The following PDE9A variants were observed in gnomAD, a reference collection of about 807,000 sequenced individuals.
PDE9A encodes the protein phosphodiesterase 9A.
A neutral mutation model predicts 87.4 loss-of-function variants in PDE9A; 60 were observed. The ratio of observed to expected loss-of-function variants is 0.69; its 90% CI spans 0.56 to 0.85. The LOEUF (loss-of-function observed/expected upper bound fraction) is 0.85. Among genes scored for constraint, PDE9A ranks in the 40% least tolerant of loss-of-function variants. PDE9A has a pLI of 0.00. For synonymous variants in PDE9A, 272 were observed against 279.4 expected, an observed-to-expected ratio of 0.97 and a Z score of 0.27; for missense variants, 665 against 779.0, an observed-to-expected ratio of 0.85 and a Z score of 1.74.
At chr21:42,753,875 AAAAG>A (rs1184181163) in intron 9 of PDE9A, 111 bp from the exon 10 acceptor site, 270 of 595,100 alleles carry the variant, frequency 4.5e-4, no homozygotes, top group South Asian at 2.6e-3. Context: ...AAAAAAAAAA[AAAAG>A]AAAGAAAGAA....
Position 42,657,026 on chromosome 21 carries a change from A to G in PDE9A, c.69+3143A>G, listed in dbSNP as rs115481299. Among the ~76,000 whole-genome samples, 533 of 152,340 alleles carry G rather than the reference A, an allele frequency of 3.5e-3. 3 individuals carry two copies. Among genetic ancestry groups the G allele is most frequent in the African/African-American group, 0.012 (517 of 41,572 alleles). ...CTGGCGGAATGGGAAGGCAACTACA[A>G]ATGATAAACAGCAGCAGACGTTGCA... On this transcript the variant is annotated intron_variant, in intron 1 of 19. Coordinates refer to ENST00000291539, the MANE Select transcript of PDE9A (RefSeq NM_002606.3).
chr21:42,771,451 T>G (rs2057019960), intron 18 of PDE9A, among the ~76,000 whole-genome samples: 1 of 152,120 alleles, frequency 6.6e-6, no homozygotes, highest in Non-Finnish European at 1.5e-5. Flanking sequence ...GCCTCCTGCC[T>G]CCTCCCTCCA....
intron 8 of PDE9A, 70 bp from the exon 9 acceptor site, chr21:42,751,046 T>A: frequency 9.8e-7 from 1 of 1,017,158 alleles, no homozygotes; most frequent in South Asian, 1.3e-5. Flanking sequence ...GTCGCTTGCT[T>A]TTGCTGTGCT....
intron 4 of PDE9A, among the ~76,000 whole-genome samples, chr21:42,718,298 C>T (rs770846336): frequency 6.6e-6 from 1 of 151,642 alleles, no homozygotes; most frequent in African/African-American, 2.4e-5. Flanking sequence ...CTTATTTATC[C>T]TTCTTCATGT....
intron 3 of PDE9A, among the ~76,000 whole-genome samples, chr21:42,690,287 A>C (rs972519708): frequency 8.2e-5 from 12 of 146,508 alleles, no homozygotes; most frequent in Non-Finnish European, 1.7e-4. Flanking sequence ...GGAGAAGAGG[A>C]AGTTAGACGC....
chr21:42,680,209 C>T (rs976251570), intron 1 of PDE9A, among the ~76,000 whole-genome samples: 5 of 152,250 alleles, frequency 3.3e-5, no homozygotes, highest in East Asian at 3.9e-4. Context: ...TAAACCCATG[C>T]GACCCTGGCT....
intron 4 of PDE9A, among the ~76,000 whole-genome samples, chr21:42,720,621 A>G (rs2146578507): frequency 6.6e-6 from 1 of 152,332 alleles, no homozygotes; most frequent in East Asian, 1.9e-4. Flanking sequence ...TTGCAGCTCT[A>G]AATAGGAACA....
At chr21:42,762,431 C>A (rs549613776) in intron 14 of PDE9A, among the ~76,000 whole-genome samples, 192 bp downstream of exon 14, 1 of 152,334 alleles carries the variant, frequency 6.6e-6, no homozygotes, top group South Asian at 2.1e-4. Context: ...GGTACCCTCG[C>A]CATGCGCACG....
rs2059931455 is a variant in PDE9A at position 42,692,877 on chromosome 21, C to A, written c.218+4883C>A. Among the ~76,000 whole-genome samples the A allele has an allele frequency of 6.6e-6, 1 of 152,236 alleles. No individual in the cohort carries two copies. The highest frequency in any genetic ancestry group is 2.1e-4 in the South Asian group (1 of 4,836). On this transcript the variant is annotated intron_variant, in intron 3 of 19. Transcript: ENST00000291539. This position sits in a 1 kb window ranked among gnomAD's most constrained non-coding sequence, Gnocchi z 4.3. ...CGCACGCCTTGCTCCTCGCACTCTT[C>A]CTGCACCGGAGCCGCGGTGCGAGGC...
Position 42,659,222 on chromosome 21 carries a change from C to T in PDE9A, c.69+5339C>T, listed in dbSNP as rs2057309464. On this transcript the variant is annotated intron_variant, in intron 1 of 19. Transcript: ENST00000291539. The surrounding 1 kb of genome is among the most constrained non-coding windows in gnomAD (Gnocchi z 4.1). ...TGGTCCGAATTCCCCTTTAGCCAGA[C>T]ATTTCCAATGTCCAGAGGCCCAGGA... Among the ~76,000 whole-genome samples, 1 of 152,194 alleles carries T rather than the reference C, an allele frequency of 6.6e-6. No homozygotes were observed. The highest frequency in any genetic ancestry group is 1.5e-5 in the Non-Finnish European group (1 of 68,030).
At position 42,749,566 on chromosome 21, in the gene PDE9A, C is replaced by T. The variant is rs146635712; in HGVS notation, c.654-1550C>T. ...CTGAAACATGCCTGGCTCACTTTGC[C>T]CTGCTCCTATGTGGGATACCTCGAT... On this transcript the variant is annotated intron_variant, in intron 8 of 19. Transcript: ENST00000291539. 2.4e-3 allele frequency among the ~76,000 whole-genome samples: 359 copies of T among 152,318 alleles called. 1 individual carries two copies. Among genetic ancestry groups the T allele is most frequent in the Non-Finnish European group, 4.4e-3 (301 of 68,026 alleles).
chr21:42,687,052 A>C (rs1016300617), intron 2 of PDE9A, among the ~76,000 whole-genome samples: 4 of 152,222 alleles, frequency 2.6e-5, no homozygotes, highest in Admixed American at 6.5e-5. Flanking sequence ...ACAGGAGTTA[A>C]TGTCCTAAAT....
rs779709684 is a variant in PDE9A, at chr21:42,770,742, T to G, written c.1630T>G (p.Trp544Gly). Residue 544 changes from tryptophan (W) to glycine (G), a missense_variant, in exon 18 of 20, where the codon TGG (tryptophan) becomes GGG (glycine). Physicochemically the swap from Trp to Gly is radical, Grantham distance 184. Coordinates refer to ENST00000291539, the MANE Select transcript of PDE9A (RefSeq NM_002606.3). ...MVEEIMLQPL[W>G]ESRDRYEELK... ...TGAGGAGATCATGCTGCAGCCACTTTGGGAATCCCGAGATCGCTACGAGGA... is the reference window on the plus strand; with the variant it reads ...TGAGGAGATCATGCTGCAGCCACTTGGGGAATCCCGAGATCGCTACGAGGA... 12 of 1,613,992 alleles carry G rather than the reference T, an allele frequency of 7.4e-6. No homozygotes were observed. The Admixed American group carries it at 2.0e-4, about 27-fold the overall frequency.
chr21:42,668,545 TC>T (rs2058165894), intron 1 of PDE9A, among the ~76,000 whole-genome samples: 2 of 152,174 alleles, frequency 1.3e-5, no homozygotes, highest in Non-Finnish European at 2.9e-5. Context: ...TCAGCACACT[TC>T]CTGTTCTTTT....
chr21:42,773,607 C>T (rs1222044139), intron 19 of PDE9A, among the ~76,000 whole-genome samples: 1 of 151,908 alleles, frequency 6.6e-6, no homozygotes, highest in Non-Finnish European at 1.5e-5. Flanking sequence ...CGAGACCATC[C>T]TGGCTAACAC....
intron 15 of PDE9A, among the ~76,000 whole-genome samples, chr21:42,766,055 G>C (rs1160879326): frequency 6.6e-6 from 1 of 152,218 alleles, no homozygotes; most frequent in Non-Finnish European, 1.5e-5. Flanking sequence ...ACAAGGACCA[G>C]AGCACGACTC....
Position 42,733,406 on chromosome 21 carries a change from T to C in PDE9A, c.548T>C (p.Val183Ala). 1 of 1,602,860 alleles carries C rather than the reference T, an allele frequency of 6.2e-7. No individual in the cohort carries two copies. ...GCTGAAGTTGCAAATCACTTGGCTG[T>C]CCTAGAGAAACGCGTGGAATGTGAG... ...LKAEVANHLA[V>A]LEKRVELEGL... Residue 183 changes from valine to alanine, a missense_variant, in exon 7 of 20, where the codon GTC (valine) becomes GCC (alanine). By Grantham distance (64) the Val-to-Ala change is moderately conservative (BLOSUM62 0). Coordinates refer to ENST00000291539, the MANE Select transcript of PDE9A (RefSeq NM_002606.3).
intron 8 of PDE9A, among the ~76,000 whole-genome samples, chr21:42,749,875 C>T (rs1297860319): frequency 2.0e-5 from 3 of 152,244 alleles, no homozygotes; most frequent in Admixed American, 1.3e-4. Flanking sequence ...CAGTGGCTCA[C>T]GCCTGTAATC....
intron 1 of PDE9A, among the ~76,000 whole-genome samples, chr21:42,665,369 C>G (rs1007509172): frequency 3.9e-5 from 6 of 152,194 alleles, no homozygotes; most frequent in Admixed American, 6.5e-5. Context: ...CTTGTCCACC[C>G]CCATCCTGGC....
Sources: gnomAD v4.1 joint callset for allele counts (sites outside exome capture counted in the v4.1 genomes callset) on GRCh38, gnomAD v4.1.1 for gene constraint, Gnocchi (gnomAD v3.1) non-coding constraint, MANE v1.5 for transcripts, NCBI Gene and HGNC (gene_info 2026-07-23, HGNC 2026-07-21) for gene names.